The following NEBL variants were observed in gnomAD, a reference collection of about 807,000 sequenced individuals.
NEBL encodes nebulette, also known as LIM and SH3 protein 2.
NEBL carries 122 observed loss-of-function variants against 140.2 expected under a neutral mutation model. The ratio of observed to expected loss-of-function variants is 0.87; its 90% CI spans 0.75 to 1.01. The LOEUF (loss-of-function observed/expected upper bound fraction) is 1.01, where lower values mean the gene tolerates loss of function less well. Among genes scored for constraint, NEBL ranks in the 50% least tolerant of loss-of-function variants. The pLI, the probability that NEBL is intolerant of heterozygous loss-of-function variation, is 0.00. For missense variants in NEBL, 1,365 were observed against 1,231.3 expected, an observed-to-expected ratio of 1.11 and a Z score of -1.62; for synonymous variants, 436 against 398.9, an observed-to-expected ratio of 1.09 and a Z score of -1.11.
At chr10:21,110,092 T>C (rs1362040157) in intron 2 of NEBL, among the ~76,000 whole-genome samples, 2 of 152,162 alleles carry the variant, frequency 1.3e-5, no homozygotes, top group Admixed American at 6.6e-5. Flanking sequence ...TTAATTGTGA[T>C]GTTAGGGTGT....
intron 3 of NEBL, among the ~76,000 whole-genome samples, chr10:20,986,826 C>G (rs1052714387): frequency 8.5e-5 from 13 of 152,182 alleles, no homozygotes; most frequent in Non-Finnish European, 1.9e-4. Context: ...AACATACTCT[C>G]TCCAAATAGC....
At chr10:21,093,772 C>T (rs1488382861) in intron 2 of NEBL, among the ~76,000 whole-genome samples, 1 of 152,172 alleles carries the variant, frequency 6.6e-6, no homozygotes, top group Non-Finnish European at 1.5e-5. Context: ...AAATCTACTG[C>T]TTCGTAAACA....
intron 2 of NEBL, among the ~76,000 whole-genome samples, chr10:21,083,943 T>C (rs1198142614): frequency 6.6e-6 from 1 of 152,214 alleles, no homozygotes; most frequent in Non-Finnish European, 1.5e-5. Flanking sequence ...CTTTTCTTAC[T>C]GAAGAGCCTA....
At chr10:21,136,293 G>A (rs1256894870) in intron 2 of NEBL, among the ~76,000 whole-genome samples, 2 of 152,040 alleles carry the variant, frequency 1.3e-5, no homozygotes, top group Non-Finnish European at 2.9e-5. Context: ...AATACAACTG[G>A]CGACTGTTGA....
In NEBL at chr10:21,028,244, A is replaced by AG. The variant is rs1345426039; in HGVS notation, c.165-8044_165-8043insC. On this transcript the variant is annotated intron_variant, in intron 2 of 6. Coordinates refer to the NEBL transcript ENST00000417816. ...TCCATCTCAAACATCTCAAAAAAAA[A>AG]AAAAAAAAAAAAGAAGAAGAAGAAG... Among the ~76,000 whole-genome samples the AG allele has an allele frequency of 1.0e-4, 15 of 146,230 alleles. No homozygotes were observed. In the East Asian group the frequency reaches 3.3e-3, roughly 32 times the overall value.
chr10:21,288,375 G>A lies in NEBL; in HGVS notation n.182+4455C>T, dbSNP rs541477601. Among the ~76,000 whole-genome samples, 3 of 152,246 alleles carry A rather than the reference G, an allele frequency of 2.0e-5. No homozygotes were observed. In the East Asian group the frequency reaches 5.8e-4, roughly 29 times the overall value. ...CCCAGCTACTTGGGAGGCTGAGGCA[G>A]GAGAATCACTTGAACCCAGGAGTCA... On this transcript the variant is annotated intron_variant and non_coding_transcript_variant, in intron 1 of 8. Transcript: ENST00000675702.
At chr10:21,120,830 C>T (rs1266074853) in intron 2 of NEBL, among the ~76,000 whole-genome samples, 3 of 152,002 alleles carry the variant, frequency 2.0e-5, no homozygotes, top group Non-Finnish European at 2.9e-5. Flanking sequence ...AACTCTGCGT[C>T]GGCTGCTATG....
At chr10:20,831,134 C>T in intron 16 of NEBL, 62 bp downstream of exon 16, 2 of 1,162,830 alleles carry the variant, frequency 1.7e-6, no homozygotes, top group Non-Finnish European at 2.6e-6. Context: ...TAGAGACATA[C>T]AAAGCACATG....
intron 4 of NEBL, among the ~76,000 whole-genome samples, chr10:20,921,296 A>C (rs188716703): frequency 1.2e-4 from 19 of 152,264 alleles, no homozygotes; most frequent in Admixed American, 3.9e-4. Flanking sequence ...CCTCCGGCCC[A>C]GCTCCATTAT....
chr10:21,007,208 T>A (rs1431686393), intron 3 of NEBL, among the ~76,000 whole-genome samples: 1 of 152,074 alleles, frequency 6.6e-6, no homozygotes, highest in Admixed American at 6.5e-5. Context: ...CCATTCACCC[T>A]CTCTCCCCAC....
chr10:21,110,076 G>T (rs1354986279), intron 2 of NEBL, among the ~76,000 whole-genome samples: 1 of 152,040 alleles, frequency 6.6e-6, no homozygotes, highest in African/African-American at 2.4e-5. Context: ...TGCTTCTCTA[G>T]TTCTTTTAAT....
At chr10:21,272,047 T>A (rs1174771371) in intron 1 of NEBL, among the ~76,000 whole-genome samples, 1 of 147,294 alleles carries the variant, frequency 6.8e-6, no homozygotes, top group African/African-American at 2.5e-5. Flanking sequence ...AAGTTCCGCC[T>A]CCCAGGTTCA....
At chr10:20,959,483 A>G (rs151197900) in intron 4 of NEBL, among the ~76,000 whole-genome samples, 13 of 152,270 alleles carry the variant, frequency 8.5e-5, no homozygotes, top group Middle Eastern at 3.4e-3. Flanking sequence ...TGGACTTGCC[A>G]AAGTACTACT....
Position 21,218,488 on chromosome 10 carries a change from A to C in NEBL, n.348+29433T>G, listed in dbSNP as rs563359525. 2.6e-5 allele frequency among the ~76,000 whole-genome samples: 4 copies of C among 152,162 alleles called. No homozygotes were observed. The South Asian group carries it at 8.3e-4, about 32-fold the overall frequency. ...GATAAAATTTTTTTATCTTTGCTTTATCTTATAAAGGAGTTATATATCAGA... is the reference window on the plus strand; with the variant it reads ...GATAAAATTTTTTTATCTTTGCTTTCTCTTATAAAGGAGTTATATATCAGA... On this transcript the variant is annotated intron_variant and non_coding_transcript_variant, in intron 3 of 8. Coordinates refer to the NEBL transcript ENST00000675702.
chr10:21,287,472 G>T (rs537422761), intron 1 of NEBL, among the ~76,000 whole-genome samples: 1 of 152,274 alleles, frequency 6.6e-6, no homozygotes, highest in African/African-American at 2.4e-5. Flanking sequence ...GGAGGTGGAG[G>T]TTGCAGTGAA....
intron 3 of NEBL, among the ~76,000 whole-genome samples, chr10:21,013,749 G>A (rs1488879477): frequency 2.6e-5 from 4 of 152,100 alleles, no homozygotes; most frequent in African/African-American, 7.2e-5. Flanking sequence ...GTAGTGGTGC[G>A]CACCTATAAT....
intron 3 of NEBL, among the ~76,000 whole-genome samples, chr10:20,965,447 G>A (rs1455958178): frequency 2.0e-5 from 3 of 152,196 alleles, no homozygotes; most frequent in South Asian, 4.1e-4. Flanking sequence ...CTTCTTCCAG[G>A]AGAGCTATGC....
intron 2 of NEBL, among the ~76,000 whole-genome samples, chr10:20,894,872 T>C (rs1028695061): frequency 5.0e-5 from 7 of 140,538 alleles, no homozygotes; most frequent in African/African-American, 1.9e-4. Context: ...GAGCTTGCAG[T>C]GAGCCGAGAT....
At chr10:21,021,727 T>C (rs1224793271) in intron 2 of NEBL, among the ~76,000 whole-genome samples, 1 of 152,186 alleles carries the variant, frequency 6.6e-6, no homozygotes, top group African/African-American at 2.4e-5. Context: ...CTCATGGCTT[T>C]TCCTATTGGC....
Sources: gnomAD v4.1 joint callset for allele counts (sites outside exome capture counted in the v4.1 genomes callset) on GRCh38, gnomAD v4.1.1 for gene constraint, MANE v1.5 for transcripts, NCBI Gene and HGNC (gene_info 2026-07-23, HGNC 2026-07-21) for gene names.